Variants in ERC2 observed in about 807,000 individuals in gnomAD.
ERC2 encodes the protein ELKS/RAB6-interacting/CAST family member 2, also known as ERC protein 2.
A neutral mutation model predicts 114.8 loss-of-function variants in ERC2; 42 were observed. The ratio of observed to expected loss-of-function variants is 0.37; its 90% confidence interval spans 0.29 to 0.47. The LOEUF (loss-of-function observed/expected upper bound fraction) is 0.47. Among genes scored for constraint, ERC2 ranks in the 20% least tolerant of loss-of-function variants. The probability of loss-of-function intolerance (pLI) is 0.99; values close to 1 mark genes in which losing one functional copy is unlikely to be tolerated. For missense variants in ERC2, 939 were observed against 1,150.7 expected (o/e 0.82, Z 2.66); for synonymous variants, 454 against 425.5 (o/e 1.07, Z -0.82).
intron 17 of ERC2, among the ~76,000 whole-genome samples, chr3:55,517,505 A>G (rs2052612568): frequency 6.6e-6 from 1 of 152,174 alleles, no homozygotes; most frequent in Non-Finnish European, 1.5e-5. Context: ...TTTTAAAGAA[A>G]TATTTATTTT....
Position 56,434,787 on chromosome 3 carries a change from G to C in ERC2, c.221C>G (p.Thr74Ser), listed in dbSNP as rs1380888217. 10 of 1,613,966 alleles carry C rather than the reference G, an allele frequency of 6.2e-6. No individual in the cohort carries two copies. Among genetic ancestry groups the C allele is most frequent in the Non-Finnish European group, 8.5e-6 (10 of 1,179,888 alleles). ...CAGAGTCATAGTGCCCTTTGGGTAG[G>C]TTGTTGAAGCCACCCCTTCATGATC... Reference protein sequence around the residue: ...LSDHEGVASTTYPKGTMTLGR... With the variant: ...LSDHEGVASTSYPKGTMTLGR... Residue 74 changes from threonine to serine, a missense_variant, in exon 2 of 18, where the codon ACC becomes AGC. Thr to Ser is a moderately conservative substitution (Grantham distance 58). This residue lies in a region of ERC2 where 281 missense variants were observed against 307.4 expected (regional missense o/e 0.91). Coordinates refer to ENST00000288221, the MANE Select transcript of ERC2 (RefSeq NM_015576.3).
chr3:55,755,164 T>A (rs1575496246), intron 14 of ERC2, among the ~76,000 whole-genome samples: 1 of 152,220 alleles, frequency 6.6e-6, no homozygotes, highest in East Asian at 1.9e-4. Context: ...AGAGGGATTA[T>A]AACTCTCTTA....
intron 11 of ERC2, 89 bp downstream of exon 11, chr3:55,991,968 T>A: frequency 8.8e-7 from 1 of 1,142,682 alleles, no homozygotes; most frequent in African/African-American, 1.5e-5. Flanking sequence ...AATATGAATG[T>A]ACAGTCCAAA....
chr3:56,016,150 G>C (rs1236690133), intron 8 of ERC2, among the ~76,000 whole-genome samples: 1 of 152,146 alleles, frequency 6.6e-6, no homozygotes, highest in East Asian at 1.9e-4. Context: ...CTCCCATTCT[G>C]TAGGTTGTCT....
intron 7 of ERC2, among the ~76,000 whole-genome samples, chr3:56,056,365 G>C (rs2076015695): frequency 6.6e-6 from 1 of 152,138 alleles, no homozygotes; most frequent in Non-Finnish European, 1.5e-5. Context: ...CTATGACTTT[G>C]TTTCTCTTGA....
At chr3:56,129,562 AG>A (rs1168824046) in intron 6 of ERC2, among the ~76,000 whole-genome samples, 1 of 152,188 alleles carries the variant, frequency 6.6e-6, no homozygotes, top group Non-Finnish European at 1.5e-5. Flanking sequence ...TAAAGTGGCC[AG>A]TCAGCTTCCC....
intron 14 of ERC2, among the ~76,000 whole-genome samples, chr3:55,776,139 ATTTGTTGTTGTT>A (rs2068595274): frequency 6.7e-6 from 1 of 149,012 alleles, no homozygotes; most frequent in Admixed American, 6.6e-5. Flanking sequence ...TTAGAATGTT[ATTTGTTGTTGTT>A]GTTGTTGTTG....
chr3:56,109,313 G>A (rs2078837382), intron 6 of ERC2, among the ~76,000 whole-genome samples: 1 of 151,746 alleles, frequency 6.6e-6, no homozygotes, highest in Non-Finnish European at 1.5e-5. Flanking sequence ...TAAAGATAAT[G>A]GCCTCCAGCT....
chr3:56,091,334 G>C (rs1348915169), intron 6 of ERC2, among the ~76,000 whole-genome samples: 1 of 152,154 alleles, frequency 6.6e-6, no homozygotes, highest in Non-Finnish European at 1.5e-5. Flanking sequence ...CTCCTGGGTT[G>C]CTAGCTGGAA....
At chr3:55,578,636 C>T (rs575273285) in intron 17 of ERC2, among the ~76,000 whole-genome samples, 1 of 152,246 alleles carries the variant, frequency 6.6e-6, no homozygotes, top group South Asian at 2.1e-4. Context: ...TGCTGTGTAA[C>T]AAATCACCTC....
chr3:56,433,518 C>T (rs1290305943), intron 2 of ERC2, among the ~76,000 whole-genome samples: 1 of 152,146 alleles, frequency 6.6e-6, no homozygotes, highest in Non-Finnish European at 1.5e-5. Flanking sequence ...ACAGAAAGCA[C>T]AGATGTGGAG....
intron 13 of ERC2, among the ~76,000 whole-genome samples, chr3:55,891,437 ATTTTTTTTTTTTTTTT>A (rs869073962): frequency 3.9e-4 from 34 of 86,972 alleles, no homozygotes; most frequent in Non-Finnish European, 6.5e-4. Context: ...GTCTGGTTCT[ATTTTTTTTTTTTTTTT>A]TTTTTTTTTT....
intron 4 of ERC2, among the ~76,000 whole-genome samples, chr3:56,156,027 A>C (rs1192828321): frequency 6.6e-6 from 1 of 152,188 alleles, no homozygotes; most frequent in Non-Finnish European, 1.5e-5. Flanking sequence ...GTAAATAAGA[A>C]GGCAACAAGA....
Position 56,263,884 on chromosome 3 carries a change from A to T in ERC2, c.1074+32135T>A, listed in dbSNP as rs545815347. ...AAAGTATAGGCCAATATCTCTGATA[A>T]ACATAGAAGCAAAAATCCTCAATAA... On this transcript the variant is annotated intron_variant, in intron 3 of 17. Transcript: ENST00000288221. 2.6e-5 allele frequency among the ~76,000 whole-genome samples: 4 copies of T among 152,304 alleles called. No homozygotes were observed. In the East Asian group the frequency reaches 7.7e-4, roughly 29 times the overall value.
At chr3:55,881,760 T>C (rs112754374) in intron 14 of ERC2, among the ~76,000 whole-genome samples, 205 of 152,308 alleles carry the variant, frequency 1.3e-3, no homozygotes, top group African/African-American at 4.8e-3. Flanking sequence ...TAAAATGATG[T>C]TCTTAATATG....
At chr3:55,609,422 C>A (rs1575755946) in intron 17 of ERC2, among the ~76,000 whole-genome samples, 1 of 152,130 alleles carries the variant, frequency 6.6e-6, no homozygotes, top group Admixed American at 6.5e-5. Context: ...AGGGCCTGTG[C>A]GATCTCTGCC....
At chr3:55,968,621 C>A (rs1318639280) in intron 12 of ERC2, among the ~76,000 whole-genome samples, 2 of 152,152 alleles carry the variant, frequency 1.3e-5, no homozygotes, top group African/African-American at 4.8e-5. Context: ...GCTACAATTA[C>A]AGAAAGGAAT....
At chr3:55,711,663 ATGG>A (rs2063786043) in intron 15 of ERC2, among the ~76,000 whole-genome samples, 1 of 152,220 alleles carries the variant, frequency 6.6e-6, no homozygotes, top group Non-Finnish European at 1.5e-5. Flanking sequence ...CCTGGCACAT[ATGG>A]ACATATAATA....
At chr3:56,280,669 A>T (rs948279202) in intron 3 of ERC2, among the ~76,000 whole-genome samples, 1 of 152,224 alleles carries the variant, frequency 6.6e-6, no homozygotes, top group Non-Finnish European at 1.5e-5. Flanking sequence ...ACCACTTGGT[A>T]TATACTTAAC....
Sources: gnomAD v4.1 joint callset for allele counts (sites outside exome capture counted in the v4.1 genomes callset) on GRCh38, gnomAD v4.1.1 for gene constraint, gnomAD v4.1.1 regional missense constraint, MANE v1.5 for transcripts, NCBI Gene and HGNC (gene_info 2026-07-23, HGNC 2026-07-21) for gene names.